Variants in NKAPD1 observed in about 807,000 individuals in gnomAD.
NKAPD1 encodes NKAP domain containing 1.
A neutral mutation model predicts 30.9 loss-of-function variants in NKAPD1; 12 were observed. The observed-to-expected ratio is 0.39, with a 90% CI of 0.25 to 0.63. The LOEUF is 0.63. Ranked by LOEUF, NKAPD1 falls within the 20% of genes least tolerant of loss-of-function variation. The pLI is 0.51. For synonymous variants in NKAPD1, 91 were observed against 113.6 expected (o/e 0.80, Z 1.26); for missense variants, 311 against 344.5 (o/e 0.90, Z 0.77).
At chr11:112,078,351 A>G (rs772980699) in intron 3 of NKAPD1, 36 bp downstream of exon 3, 3 of 1,475,840 alleles carry the variant, frequency 2.0e-6, no homozygotes, top group Non-Finnish European at 1.9e-6. Flanking sequence ...AATAATTCTC[A>G]TCTTTTTCAG....
At chr11:112,075,112 T>A (rs1211016792) in intron 1 of NKAPD1, among the ~76,000 whole-genome samples, 196 bp downstream of exon 1, 1 of 152,266 alleles carries the variant, frequency 6.6e-6, no homozygotes, top group Non-Finnish European at 1.5e-5. Context: ...TTCCTGACAC[T>A]CTCAAATCTA....
At chr11:112,079,602 G>A (rs1458899119) in intron 3 of NKAPD1, among the ~76,000 whole-genome samples, 2 of 152,158 alleles carry the variant, frequency 1.3e-5, no homozygotes, top group Admixed American at 1.3e-4. Flanking sequence ...TCTATAGTAA[G>A]TTGCTGGTTT....
At chr11:112,076,602 A>G (rs564910638) in intron 2 of NKAPD1, among the ~76,000 whole-genome samples, 1 of 152,328 alleles carries the variant, frequency 6.6e-6, no homozygotes, top group Non-Finnish European at 1.5e-5. Flanking sequence ...CATATTTTTT[A>G]TGTTACATGT....
At chr11:112,079,233 C>T (rs1865394497) in intron 3 of NKAPD1, among the ~76,000 whole-genome samples, 1 of 151,024 alleles carries the variant, frequency 6.6e-6, no homozygotes. Context: ...GCAACCTCCG[C>T]CTCCTGGATT....
At chr11:112,080,066 C>T (rs940815872) in intron 3 of NKAPD1, among the ~76,000 whole-genome samples, 2 of 152,140 alleles carry the variant, frequency 1.3e-5, no homozygotes, top group African/African-American at 4.8e-5. Flanking sequence ...CCACTCGCCC[C>T]GGCCTCCCAA....
intron 3 of NKAPD1, 136 bp downstream of exon 3, chr11:112,078,451 A>G: frequency 1.4e-6 from 1 of 717,376 alleles, no homozygotes; most frequent in South Asian, 1.6e-5. Flanking sequence ...TCGTAAATCT[A>G]GACCCAGGCA....
In NKAPD1 at chr11:112,080,497, T is replaced by G. The variant is rs1865425355; in HGVS notation, c.259T>G (p.Phe87Val). The change falls in exon 4 of 6, where the codon TTT (phenylalanine) becomes GTT (valine). Residue 87 changes from phenylalanine (F) to valine (V), a missense_variant. Phe to Val is a conservative substitution (Grantham distance 50). Transcript: ENST00000393047. Reference sequence around the variant, plus strand: ...AATTTCTGGGACACTGGAAGATGATTTTCTTAAGGCTAAATCCTGGAATAA... The same window carrying G: ...AATTTCTGGGACACTGGAAGATGATGTTCTTAAGGCTAAATCCTGGAATAA... Reference protein sequence around the residue: ...NEISGTLEDDFLKAKSWNKKF... With the variant: ...NEISGTLEDDVLKAKSWNKKF... 6.2e-7 allele frequency: 1 copy of G among 1,613,978 alleles called. No individual in the cohort carries two copies.
At position 112,074,614 on chromosome 11, in the gene NKAPD1, G is replaced by T. The variant is rs968123665; in HGVS notation, c.-311G>T. ...TACCCCCGGGGTTCGTCCTAGAGGA[G>T]CGTGAGCGGGGAATGCCCAGGTCAA... On this transcript the variant is annotated 5_prime_UTR_variant, in exon 1 of 6. Transcript: ENST00000393047. The T allele has an allele frequency of 1.0e-4, 40 of 397,666 alleles. No homozygotes were observed. The Admixed American group carries it at 1.3e-3, about 13-fold the overall frequency. 24.6% of individuals were successfully genotyped at this position (397,666 alleles called of 1,614,324 possible).
Position 112,075,590 on chromosome 11 carries a change from C to T in NKAPD1, c.16C>T (p.Leu6=). The change falls in exon 2 of 6, where the codon CTG becomes TTG. Residue 6 remains leucine (L), a synonymous_variant. Coordinates refer to ENST00000393047, the MANE Select transcript of NKAPD1 (RefSeq NM_018195.4). MSRIP[L]GKVLLRNVIR... ...AGATTGAAGAATGTCCCGGATTCCA[C>T]TGGGGAAGGTCCTCCTGAGGAATGT... 6.2e-7 allele frequency: 1 copy of T among 1,608,452 alleles called. No homozygotes were observed. Among genetic ancestry groups the T allele is most frequent in the Non-Finnish European group, 8.5e-7 (1 of 1,178,540 alleles).
At chr11:112,078,551 G>T (rs976002694) in intron 3 of NKAPD1, among the ~76,000 whole-genome samples, 5 of 152,198 alleles carry the variant, frequency 3.3e-5, no homozygotes, top group Non-Finnish European at 7.3e-5. Flanking sequence ...AATTATGAAT[G>T]TGTAGGGTTC....
chr11:112,081,831 T>TA lies in NKAPD1; in HGVS notation c.321-150dup, dbSNP rs1865459740. The TA allele has an allele frequency of 4.6e-6, 3 of 649,558 alleles. No individual in the cohort carries two copies. The Admixed American group carries it at 7.9e-5, about 17-fold the overall frequency. 40.2% of individuals were successfully genotyped at this position (649,558 alleles called of 1,614,324 possible). Reference sequence around the variant, plus strand: ...TGTACAGTACAGGAAATGTAGCTGTTACTGAGCTATAATGGGGGCTTGGTT... The same window carrying TA: ...TGTACAGTACAGGAAATGTAGCTGTTAACTGAGCTATAATGGGGGCTTGGTT... On this transcript the variant is annotated intron_variant, in intron 4 of 5. Coordinates refer to ENST00000393047, the MANE Select transcript of NKAPD1 (RefSeq NM_018195.4).
At position 112,078,244 on chromosome 11, in the gene NKAPD1, A is replaced by T. The variant is rs901564623; in HGVS notation, c.99A>T (p.Ile33=). 6.2e-7 allele frequency: 1 copy of T among 1,612,564 alleles called. No homozygotes were observed. Among genetic ancestry groups the T allele is most frequent in the African/African-American group, 1.3e-5 (1 of 74,822 alleles). The change falls in exon 3 of 6, where the codon ATA becomes ATT. Residue 33 remains isoleucine, a synonymous_variant. Coordinates refer to ENST00000393047, the MANE Select transcript of NKAPD1 (RefSeq NM_018195.4). ...AGGAGGAATCAGATATGTGGAAAAT[A>T]AGAGAACTGGAAAAACAGATGGAAG... is the stretch of plus-strand genomic sequence containing the variant. ...KIQEESDMWK[I]RELEKQMEDA... is the part of the protein sequence containing the mutation.
Position 112,074,935 on chromosome 11 carries a change from G to A in NKAPD1, c.-9+19G>A, listed in dbSNP as rs79945090. ...TCAAGGGGTGAGTGAGCGTTGGGGTGGTTGCACAAAGCTCCTGCTAGCTAC... is the reference window on the plus strand; with the variant it reads ...TCAAGGGGTGAGTGAGCGTTGGGGTAGTTGCACAAAGCTCCTGCTAGCTAC... On this transcript the variant is annotated intron_variant, in intron 1 of 5. Transcript: ENST00000393047. 0.038 allele frequency: 6,200 copies of A among 161,922 alleles called. 401 individuals carry two copies. Among genetic ancestry groups the A allele is most frequent in the African/African-American group, 0.14 (5,748 of 41,884 alleles). The allele number at this position is 161,922 out of a possible 1,614,324, so 10.0% of individuals were successfully genotyped here.
intron 2 of NKAPD1, among the ~76,000 whole-genome samples, chr11:112,076,785 G>T (rs1438255853): frequency 6.6e-6 from 1 of 152,218 alleles, no homozygotes; most frequent in East Asian, 1.9e-4. Context: ...GATTCCTGTT[G>T]TTCAAGGTCA....
chr11:112,076,148 G>A (rs1865326768), intron 2 of NKAPD1, among the ~76,000 whole-genome samples: 1 of 152,208 alleles, frequency 6.6e-6, no homozygotes, highest in South Asian at 2.1e-4. Context: ...GATGTTTGGA[G>A]CTGAGACTTC....
chr11:112,082,379 CAA>C, intron 5 of NKAPD1, 84 bp from the exon 6 acceptor site: 2 of 1,194,198 alleles, frequency 1.7e-6, no homozygotes, highest in Non-Finnish European at 2.3e-6. Flanking sequence ...ATGTTAACCT[CAA>C]TTTTTTAATC....
At chr11:112,075,026 C>T (rs1865284544) in intron 1 of NKAPD1, 110 bp downstream of exon 1, 1 of 154,196 alleles carries the variant, frequency 6.5e-6, no homozygotes, top group Non-Finnish European at 1.4e-5. Flanking sequence ...TAAAATGCCC[C>T]CAAATGGAGA....
chr11:112,084,255 TATAAGAC>T lies in NKAPD1; in HGVS notation c.*1285_*1291del, dbSNP rs1865527100. The T allele has an allele frequency of 6.6e-6, 1 of 152,628 alleles. No individual in the cohort carries two copies. The highest frequency in any genetic ancestry group is 6.5e-5 in the Admixed American group (1 of 15,272). 9.5% of individuals were successfully genotyped at this position (152,628 alleles called of 1,614,324 possible). On this transcript the variant is annotated 3_prime_UTR_variant, in exon 6 of 6. Transcript: ENST00000393047. ...GAATTACTTCACAGTAGCATGACAGTATAAGACACCAGCAGTAGATACAACTATGATG... is the reference window on the plus strand; with the variant it reads ...GAATTACTTCACAGTAGCATGACAGTACCAGCAGTAGATACAACTATGATG...
chr11:112,077,576 AGAT>A (rs1364141603), intron 2 of NKAPD1, among the ~76,000 whole-genome samples: 1 of 152,218 alleles, frequency 6.6e-6, no homozygotes, highest in Non-Finnish European at 1.5e-5. Flanking sequence ...GGTTCAATTG[AGAT>A]GATATAATTA....
Sources: allele counts gnomAD v4.1 joint callset (sites outside exome capture counted in the v4.1 genomes callset), GRCh38; gene constraint gnomAD v4.1.1; transcripts MANE v1.5; gene names NCBI Gene and HGNC (gene_info 2026-07-23, HGNC 2026-07-21).